Variants in GON4L observed in about 807,000 individuals in gnomAD.
The protein encoded by GON4L is gon-4 like.
In GON4L, 87 loss-of-function variants were observed where a neutral mutation model predicts 211.8. That is an observed-to-expected ratio of 0.41 (90% CI 0.35 to 0.49). GON4L has a LOEUF of 0.49. GON4L is among the 20% of genes least tolerant of loss of function. GON4L has a pLI of 0.15. For missense variants in GON4L, 2,155 were observed against 2,659.5 expected (o/e 0.81, Z 4.17); for synonymous variants, 875 against 962.6 (o/e 0.91, Z 1.68).
At chr1:155,808,966 T>G (rs1466669031) in intron 10 of GON4L, among the ~76,000 whole-genome samples, 1 of 151,960 alleles carries the variant, frequency 6.6e-6, no homozygotes, top group African/African-American at 2.4e-5. Context: ...CATGCTGGAG[T>G]ATAGGGGTGC....
chr1:155,801,710 C>A (rs1035862122), intron 11 of GON4L, among the ~76,000 whole-genome samples: 2 of 151,912 alleles, frequency 1.3e-5, no homozygotes, highest in Admixed American at 1.3e-4. Context: ...TGGTGAAACC[C>A]TGTCTCTACT....
intron 2 of GON4L, among the ~76,000 whole-genome samples, chr1:155,840,422 C>T (rs1275898167): frequency 6.6e-6 from 1 of 152,102 alleles, no homozygotes; most frequent in Admixed American, 6.6e-5. Flanking sequence ...TTTACAAATG[C>T]CCCCAGAATC....
intron 12 of GON4L, among the ~76,000 whole-genome samples, chr1:155,790,942 CA>C (rs746528899): frequency 7.4e-5 from 11 of 148,346 alleles, no homozygotes; most frequent in Non-Finnish European, 1.5e-4. Flanking sequence ...GACTCCTTCT[CA>C]AAAAAAAACC....
Position 155,783,967 on chromosome 1 carries a change from A to C in GON4L, c.1892+19T>G. 2 of 1,612,722 alleles carry C rather than the reference A, an allele frequency of 1.2e-6. No homozygotes were observed. Among genetic ancestry groups the C allele is most frequent in the Non-Finnish European group, 1.7e-6 (2 of 1,178,696 alleles). On this transcript the variant is annotated intron_variant, in intron 14 of 31. Coordinates refer to ENST00000368331, the MANE Select transcript of GON4L (RefSeq NM_001282860.2). ...AACTTTTCCTCTATTCCAAATCTCA[A>C]GGTCTTCAACTAGCCTACCGTAGAG...
rs766231084 is a variant in GON4L at position 155,766,319 on chromosome 1, C to A, written c.3154G>T (p.Val1052Phe). Reference sequence around the variant, plus strand: ...ACCCCCAGTGGAGGGACACCTGGAACTGTCTGTAAAACAGTGGCTGGCTGT... The same window carrying A: ...ACCCCCAGTGGAGGGACACCTGGAAATGTCTGTAAAACAGTGGCTGGCTGT... Reference protein sequence around the residue: ...PIQPATVLQTVPGVPPLGVSG... With the variant: ...PIQPATVLQTFPGVPPLGVSG... The change falls in exon 21 of 32, where the codon GTT becomes TTT. Residue 1052 changes from valine (V) to phenylalanine (F), a missense_variant. Val to Phe is a conservative substitution (Grantham distance 50). Coordinates refer to ENST00000368331, the MANE Select transcript of GON4L (RefSeq NM_001282860.2). The A allele has an allele frequency of 3.7e-6, 6 of 1,614,046 alleles. No homozygotes were observed. The highest frequency in any genetic ancestry group is 4.2e-6 in the Non-Finnish European group (5 of 1,180,028).
intron 2 of GON4L, among the ~76,000 whole-genome samples, chr1:155,851,181 C>T (rs1173816435): frequency 1.3e-5 from 2 of 151,254 alleles, no homozygotes; most frequent in Non-Finnish European, 2.9e-5. Flanking sequence ...GGTAAAACCC[C>T]GTCTCTACTA....
At chr1:155,745,358 AGTCGTGATCCGT>A (rs1660217353), downstream of GON4L, among the ~76,000 whole-genome samples, 1 of 152,236 alleles carries the variant, frequency 6.6e-6, no homozygotes, top group South Asian at 2.1e-4. Flanking sequence ...ACTTCTGAAG[AGTCGTGATCCGT>A]GTGACTTCTG....
intron 13 of GON4L, chr1:155,785,107 A>C (rs930211440): frequency 5.4e-5 from 33 of 608,256 alleles, no homozygotes; most frequent in Non-Finnish European, 9.8e-5. Flanking sequence ...TCAAACAAAA[A>C]GAAGTTTCAA....
Position 155,763,332 on chromosome 1 carries a change from T to G in GON4L, c.4706A>C (p.Glu1569Ala), listed in dbSNP as rs1246158370. ...FASPETAPEV[E>A]TSRTPPGESI... ...CTCACCTGGTGGAGTTCTGCTGGTC[T>G]CCACTTCTGGAGCAGTCTCAGGTGA... Residue 1569 changes from glutamate (E) to alanine (A), a missense_variant, in exon 22 of 32, where the codon GAG becomes GCG. Physicochemically the swap from Glu to Ala is moderately radical, Grantham distance 107. Around this residue, in one of 6 missense-constraint regions of GON4L, gnomAD observed 455 missense variants for 504.6 expected, o/e 0.90. Transcript: ENST00000368331. 1.9e-6 allele frequency: 3 copies of G among 1,613,822 alleles called. No individual in the cohort carries two copies. The highest frequency in any genetic ancestry group is 1.6e-4 in the Middle Eastern group (1 of 6,078).
intron 11 of GON4L, among the ~76,000 whole-genome samples, chr1:155,804,719 C>A (rs188361981): frequency 1.1e-3 from 168 of 151,364 alleles, no homozygotes; most frequent in Admixed American, 0.01. Flanking sequence ...GAGGTCAAGG[C>A]TGCAATGAAC....
At position 155,854,773 on chromosome 1, in the gene GON4L, C is replaced by T. The variant is rs886308378; in HGVS notation, c.-26-967G>A. Among the ~76,000 whole-genome samples, 8 of 152,248 alleles carry T rather than the reference C, an allele frequency of 5.3e-5. No homozygotes were observed. The East Asian group carries it at 7.7e-4, about 15-fold the overall frequency. ...TGTTGGCTGGGCACGAGATGGCTCA[C>T]GTCCGTAATCCCAACACTTTGGGAG... is the stretch of plus-strand genomic sequence containing the variant. On this transcript the variant is annotated intron_variant, in intron 1 of 31. Transcript: ENST00000368331.
chr1:155,853,524 T>A lies in GON4L; in HGVS notation c.257A>T (p.Asn86Ile). Reference protein sequence around the residue: ...TSLSSGMLTQNTNVPILEGVD... With the variant: ...TSLSSGMLTQITNVPILEGVD... ...ACCTTCTAGAATTGGTACATTTGTG[T>A]TCTGGGTGAGCATTCCAGAGCTCAG... The change falls in exon 2 of 32, where the codon AAC becomes ATC. Residue 86 changes from asparagine to isoleucine, a missense_variant. By Grantham distance (149) the Asn-to-Ile change is moderately radical. This residue lies in a region of GON4L where 313 missense variants were observed against 293.2 expected (regional missense o/e 1.07). Coordinates refer to ENST00000368331, the MANE Select transcript of GON4L (RefSeq NM_001282860.2). 2 of 1,614,216 alleles carry A rather than the reference T, an allele frequency of 1.2e-6. No individual in the cohort carries two copies. The highest frequency in any genetic ancestry group is 1.7e-6 in the Non-Finnish European group (2 of 1,180,032).
intron 2 of GON4L, among the ~76,000 whole-genome samples, chr1:155,841,586 T>C (rs941959957): frequency 6.6e-6 from 1 of 152,212 alleles, no homozygotes; most frequent in Non-Finnish European, 1.5e-5. Flanking sequence ...TCCACTTCCA[T>C]CTGGCCTACA....
At chr1:155,850,226 G>A (rs894291169) in intron 2 of GON4L, among the ~76,000 whole-genome samples, 1 of 152,038 alleles carries the variant, frequency 6.6e-6, no homozygotes, top group African/African-American at 2.4e-5. Context: ...TTATTTATGT[G>A]ATCAAAAGTC....
In GON4L at chr1:155,752,244, C is replaced by T. The variant is rs766521181; in HGVS notation, c.6189G>A (p.Gly2063=). 6.2e-6 allele frequency: 10 copies of T among 1,608,048 alleles called. No individual in the cohort carries two copies. The Admixed American group carries it at 1.5e-4, about 24-fold the overall frequency. ...SPVSSKTRDA[G]RRHVSGKPDT... ...CTGGTTTCCCGGACACATGTCTTCT[C>T]CCTGCATCTCTGGTCTTTGAGGAAA... is the stretch of plus-strand genomic sequence containing the variant. Residue 2063 remains glycine, a synonymous_variant, in exon 30 of 32, where the codon GGG becomes GGA. Coordinates refer to ENST00000368331, the MANE Select transcript of GON4L (RefSeq NM_001282860.2).
intron 23 of GON4L, 82 bp from the exon 24 acceptor site, chr1:155,760,723 T>G: frequency 2.2e-6 from 2 of 925,796 alleles, no homozygotes. Flanking sequence ...AAGGCAGGGT[T>G]ATGGTTAGAG....
intron 12 of GON4L, among the ~76,000 whole-genome samples, chr1:155,789,270 C>G (rs1665273907): frequency 6.6e-6 from 1 of 151,960 alleles, no homozygotes; most frequent in Non-Finnish European, 1.5e-5. Flanking sequence ...GTGTGATACA[C>G]TGTGTGTAAA....
At position 155,753,322 on chromosome 1, in the gene GON4L, C is replaced by CTTA; in HGVS notation, c.5721_5723dup (p.Ala1907_Lys1908insAsn). 5 of 1,613,712 alleles carry CTTA rather than the reference C, an allele frequency of 3.1e-6. No individual in the cohort carries two copies. The highest frequency in any genetic ancestry group is 4.2e-6 in the Non-Finnish European group (5 of 1,179,782). On this transcript the variant is annotated inframe_insertion, in exon 29 of 32. Transcript: ENST00000368331. ...TCATATCCTTGCCCTGCCCAGCTTC[C>CTTA]TTAGCACCAGGCATAGGACTAGCCT... is the stretch of plus-strand genomic sequence containing the variant.
In GON4L at chr1:155,756,979, G is replaced by A. The variant is rs753156261; in HGVS notation, c.5496C>T (p.Ile1832=). The A allele has an allele frequency of 6.6e-5, 107 of 1,612,884 alleles. No individual in the cohort carries two copies. The highest frequency in any genetic ancestry group is 8.1e-5 in the Non-Finnish European group (95 of 1,179,036). Residue 1832 remains isoleucine, a synonymous_variant, in exon 27 of 32, where the codon ATC becomes ATT. Transcript: ENST00000368331. The part of the protein sequence containing the change: ...TASKNKRKKE[I]GVQNHDKETE... ...ATACCTTATCATGATTTTGGACCCCGATCTCTTTTTTCCTCTTGTTCTTTG... is the reference window on the plus strand; with the variant it reads ...ATACCTTATCATGATTTTGGACCCCAATCTCTTTTTTCCTCTTGTTCTTTG...
Sources: allele counts gnomAD v4.1 joint callset (sites outside exome capture counted in the v4.1 genomes callset), GRCh38; gene constraint gnomAD v4.1.1; regional missense constraint gnomAD v4.1.1; transcripts MANE v1.5; gene names NCBI Gene and HGNC (gene_info 2026-07-23, HGNC 2026-07-21).